GPHN: variants seen among roughly 807,000 people sequenced by gnomAD.
GPHN encodes gephyrin.
GPHN carries 17 observed loss-of-function variants against 95.5 expected under a neutral mutation model. The ratio of observed to expected loss-of-function variants is 0.18; its 90% CI spans 0.12 to 0.27. The LOEUF (loss-of-function observed/expected upper bound fraction) is 0.27, where lower values mean the gene tolerates loss of function less well. Among genes scored for constraint, GPHN ranks in the 10% least tolerant of loss-of-function variants. GPHN has a pLI of 1.00. For missense variants in GPHN, 660 were observed against 978.1 expected (o/e 0.67, Z 4.34); for synonymous variants, 320 against 322.5 (o/e 0.99, Z 0.08).
chr14:67,625,736 C>CAA, the GPHN span, among the ~76,000 whole-genome samples: 924 of 118,446 alleles, frequency 7.8e-3, 7 homozygotes, highest in Middle Eastern at 0.013. Flanking sequence ...AATGAAAAAC[C>CAA]AAAAAAAAAA....
chr14:66,625,948 C>T (rs1369086944), intron 1 of GPHN, among the ~76,000 whole-genome samples: 1 of 152,120 alleles, frequency 6.6e-6, no homozygotes. Flanking sequence ...AGGTAGGTAT[C>T]CAGAGGTACT....
At chr14:67,152,489 A>G (rs1052205125) in intron 18 of GPHN, among the ~76,000 whole-genome samples, 1 of 148,052 alleles carries the variant, frequency 6.8e-6, no homozygotes, top group East Asian at 2.0e-4. Flanking sequence ...ATAAGATGCT[A>G]TGACCTATTC....
chr14:67,371,716 A>G, the GPHN span, among the ~76,000 whole-genome samples: 521 of 152,330 alleles, frequency 3.4e-3, 2 homozygotes, highest in African/African-American at 0.012. Flanking sequence ...TAATCTTAAC[A>G]GCACTGCTGC....
At chr14:67,488,334 G>C in the GPHN span, among the ~76,000 whole-genome samples, 2 of 152,244 alleles carry the variant, frequency 1.3e-5, no homozygotes, top group Non-Finnish European at 2.9e-5. Flanking sequence ...GGGCAGGAGT[G>C]GGGGAACTGA....
the GPHN span, among the ~76,000 whole-genome samples, chr14:67,532,444 T>C: frequency 6.6e-6 from 1 of 152,160 alleles, no homozygotes; most frequent in Admixed American, 6.5e-5. Flanking sequence ...TAGCCAAATG[T>C]TGAGTTTTCC....
chr14:66,888,150 C>T lies in GPHN; in HGVS notation c.389+8117C>T, dbSNP rs185985480. Among the ~76,000 whole-genome samples, 576 of 152,032 alleles carry T rather than the reference C, an allele frequency of 3.8e-3. 4 individuals are homozygous for T. The highest frequency in any genetic ancestry group is 8.8e-3 in the African/African-American group (367 of 41,474). On this transcript the variant is annotated intron_variant, in intron 5 of 22. Coordinates refer to ENST00000478722, the MANE Select transcript of GPHN (RefSeq NM_020806.5). ...TAAAACGTAGAACATCTACATAATG[C>T]GAATACCCAAAAGAGAAGAACGAGA...
chr14:66,988,559 T>C (rs2071183415), intron 9 of GPHN, among the ~76,000 whole-genome samples: 1 of 152,050 alleles, frequency 6.6e-6, no homozygotes, highest in Non-Finnish European at 1.5e-5. Flanking sequence ...TGTCATTTTG[T>C]TTAAAAATAA....
intron 1 of GPHN, among the ~76,000 whole-genome samples, chr14:66,560,372 G>A (rs1162292545): frequency 6.6e-6 from 1 of 152,166 alleles, no homozygotes; most frequent in African/African-American, 2.4e-5. Context: ...CTACCCATGA[G>A]CATGGAATGT....
chr14:67,181,475 T>TG lies in GPHN; in HGVS notation c.*539dup, dbSNP rs771725133. The TG allele has an allele frequency of 8.7e-5, 45 of 518,850 alleles. No homozygotes were observed. The highest frequency in any genetic ancestry group is 7.5e-6 in the Non-Finnish European group (2 of 265,656). 32.1% of individuals were successfully genotyped at this position (518,850 alleles called of 1,614,324 possible). A position where few individuals can be genotyped will look rare whatever the true frequency, so the allele number is the denominator to read the frequency against. On this transcript the variant is annotated 3_prime_UTR_variant, in exon 23 of 23. Coordinates refer to ENST00000478722, the MANE Select transcript of GPHN (RefSeq NM_020806.5). ...CTGCCTTGCCTCAAGAACCATCCCC[T>TG]GCAGAGCATCCAGGGAGGTTTCTCG...
the GPHN span, among the ~76,000 whole-genome samples, chr14:67,474,270 A>C: frequency 7.1e-6 from 1 of 140,038 alleles, no homozygotes; most frequent in African/African-American, 2.8e-5. Context: ...CAAAACAAAA[A>C]AAAAACAGAG....
At chr14:66,748,633 A>T (rs2058253214) in intron 2 of GPHN, among the ~76,000 whole-genome samples, 1 of 151,996 alleles carries the variant, frequency 6.6e-6, no homozygotes, top group Non-Finnish European at 1.5e-5. Flanking sequence ...AATATCCCTT[A>T]TCCAAAATGT....
chr14:66,751,984 C>G (rs542200786), intron 2 of GPHN, among the ~76,000 whole-genome samples: 12 of 152,248 alleles, frequency 7.9e-5, no homozygotes, highest in African/African-American at 2.9e-4. Context: ...GGATAACTTA[C>G]TGCAGCTTCT....
chr14:67,282,472 A>G, the GPHN span, among the ~76,000 whole-genome samples: 3 of 152,182 alleles, frequency 2.0e-5, no homozygotes, highest in Admixed American at 6.5e-5. Context: ...AGAATCAAAA[A>G]TATGATTGGC....
intron 11 of GPHN, among the ~76,000 whole-genome samples, chr14:67,060,249 C>T (rs1413456610): frequency 2.0e-5 from 3 of 150,328 alleles, no homozygotes; most frequent in Non-Finnish European, 3.0e-5. Context: ...ATTTTTCCTC[C>T]AGAGAAAAAT....
At chr14:67,125,501 G>T (rs567058424) in intron 17 of GPHN, among the ~76,000 whole-genome samples, 1 of 152,232 alleles carries the variant, frequency 6.6e-6, no homozygotes, top group Admixed American at 6.5e-5. Flanking sequence ...TAAGGGCGAG[G>T]TGCAGTGGCT....
intron 1 of GPHN, among the ~76,000 whole-genome samples, chr14:66,666,254 AATATAT>A (rs751817321): frequency 6.7e-6 from 1 of 150,356 alleles, no homozygotes; most frequent in African/African-American, 2.4e-5. Flanking sequence ...GTATAATAAA[AATATAT>A]ATATATAAAA....
At chr14:67,717,078 C>T in the GPHN span, among the ~76,000 whole-genome samples, 2 of 150,604 alleles carry the variant, frequency 1.3e-5, no homozygotes, top group Non-Finnish European at 2.9e-5. Context: ...TACCCTTCCC[C>T]TTTAAAAACT....
the GPHN span, among the ~76,000 whole-genome samples, chr14:67,398,713 C>T: frequency 2.0e-4 from 30 of 152,154 alleles, no homozygotes; most frequent in Middle Eastern, 3.4e-3. Context: ...TGTGCCACCA[C>T]ACCCGGCTAA....
chr14:67,524,031 A>G, the GPHN span, among the ~76,000 whole-genome samples: 12 of 152,162 alleles, frequency 7.9e-5, no homozygotes, highest in Non-Finnish European at 1.5e-4. Flanking sequence ...TTCTGAGTGG[A>G]TAGGCTAAGA....
Sources: gnomAD v4.1 joint callset for allele counts (sites outside exome capture counted in the v4.1 genomes callset) on GRCh38, gnomAD v4.1.1 for gene constraint, MANE v1.5 for transcripts, NCBI Gene and HGNC (gene_info 2026-07-23, HGNC 2026-07-21) for gene names.